The following OTOGL variants were observed in gnomAD, a reference collection of about 807,000 sequenced individuals.
OTOGL encodes otogelin like.
OTOGL carries 285 observed loss-of-function variants against 318.5 expected under a neutral mutation model. The observed-to-expected ratio is 0.89, with a 90% CI of 0.81 to 0.99. The LOEUF (loss-of-function observed/expected upper bound fraction) is 0.99. OTOGL is among the 50% of genes least tolerant of loss of function. OTOGL has a pLI of 0.00. For synonymous variants in OTOGL, 987 were observed against 936.5 expected, an observed-to-expected ratio of 1.05 and a Z score of -0.99; for missense variants, 2,899 against 2,845.6, an observed-to-expected ratio of 1.02 and a Z score of -0.43.
chr12:80,212,061 G>A, intron 4 of OTOGL, 64 bp downstream of exon 4: 2 of 1,436,794 alleles, frequency 1.4e-6, no homozygotes, highest in Non-Finnish European at 1.9e-6. Flanking sequence ...GGACTCTGCT[G>A]TCACTTCAAC....
chr12:80,315,122 T>C (rs1418690153), intron 32 of OTOGL, among the ~76,000 whole-genome samples: 2 of 152,136 alleles, frequency 1.3e-5, no homozygotes, highest in Non-Finnish European at 2.9e-5. Context: ...GGGCACAAAG[T>C]TTCAGCTAGG....
rs192454919 is a variant in OTOGL, at chr12:80,114,347, G to C, written c.-20+14742G>C. Among the ~76,000 whole-genome samples, 35 of 152,132 alleles carry C rather than the reference G, an allele frequency of 2.3e-4. No homozygotes were observed. In the East Asian group the frequency reaches 2.9e-3, roughly 13 times the overall value. On this transcript the variant is annotated intron_variant, in intron 1 of 58. Transcript: ENST00000547103. ...CCTCAGCATTTGCTTGTCTGTAAAG[G>C]ATTTTATTTCTTCTTCTCTTATGAA...
In OTOGL at chr12:80,105,494, C is replaced by T. The variant is rs185588712; in HGVS notation, c.-20+5889C>T. 6.6e-3 allele frequency among the ~76,000 whole-genome samples: 1,006 copies of T among 152,254 alleles called. 14 individuals carry two copies. Among genetic ancestry groups the T allele is most frequent in the African/African-American group, 0.021 (892 of 41,540 alleles). On this transcript the variant is annotated intron_variant, in intron 1 of 58. Coordinates refer to ENST00000547103, the MANE Select transcript of OTOGL (RefSeq NM_001378609.3). Reference sequence around the variant, plus strand: ...GAAGATGTTATTTCAGGATAACCTGCAGATTTTTATCTTTGTACCATATAT... The same window carrying T: ...GAAGATGTTATTTCAGGATAACCTGTAGATTTTTATCTTTGTACCATATAT...
At chr12:80,177,143 GA>G (rs1874581574) in intron 1 of OTOGL, among the ~76,000 whole-genome samples, 1 of 151,938 alleles carries the variant, frequency 6.6e-6, no homozygotes, top group Admixed American at 6.6e-5. Flanking sequence ...ATTAAAATTT[GA>G]TGAAATAAAA....
At chr12:80,242,426 A>G (rs1019999670) in intron 11 of OTOGL, among the ~76,000 whole-genome samples, 2 of 152,132 alleles carry the variant, frequency 1.3e-5, no homozygotes, top group Non-Finnish European at 2.9e-5. Context: ...ACGTTGATAA[A>G]ATGGAAGTGA....
chr12:80,380,142 A>G lies in OTOGL; in HGVS notation c.*2094A>G, dbSNP rs1891380267. 6.6e-6 allele frequency: 1 copy of G among 152,066 alleles called. No individual in the cohort carries two copies. Among genetic ancestry groups the G allele is most frequent in the Admixed American group, 6.6e-5 (1 of 15,250 alleles). The allele number at this position is 152,066 out of a possible 1,614,324, so 9.4% of individuals were successfully genotyped here. On this transcript the variant is annotated 3_prime_UTR_variant, in exon 59 of 59. Coordinates refer to ENST00000547103, the MANE Select transcript of OTOGL (RefSeq NM_001378609.3). ...CATTAGGATAACCTCCAAATGAATCAGAGATTTAAATGTTAAAAAACAAAA... is the reference window on the plus strand; with the variant it reads ...CATTAGGATAACCTCCAAATGAATCGGAGATTTAAATGTTAAAAAACAAAA...
At chr12:80,114,936 A>G (rs910639782) in intron 1 of OTOGL, among the ~76,000 whole-genome samples, 54 of 151,534 alleles carry the variant, frequency 3.6e-4, no homozygotes, top group African/African-American at 1.3e-3. Context: ...TACTTCATGA[A>G]GTTCTTGTGC....
rs1328798677 is a variant in OTOGL at position 80,323,736 on chromosome 12, A to C, written c.4095A>C (p.Ala1365=). 2.5e-6 allele frequency: 4 copies of C among 1,613,436 alleles called. No homozygotes were observed. The highest frequency in any genetic ancestry group is 3.4e-6 in the Non-Finnish European group (4 of 1,179,360). Reference sequence around the variant, plus strand: ...ATTTTTTCCCAGAAATCCAGGCAGCAGTGCCTTACAGGAAGATGTGTGAAT... The same window carrying C: ...ATTTTTTCCCAGAAATCCAGGCAGCCGTGCCTTACAGGAAGATGTGTGAAT... ...SSFSIEEIQA[A]VPYRKMCEWR... The change falls in exon 35 of 59, where the codon GCA becomes GCC. Residue 1365 remains alanine, a synonymous_variant. Transcript: ENST00000547103.
intron 11 of OTOGL, among the ~76,000 whole-genome samples, chr12:80,250,031 G>A (rs937663953): frequency 6.6e-6 from 1 of 151,874 alleles, no homozygotes; most frequent in Non-Finnish European, 1.5e-5. Flanking sequence ...GCTCGCGCAC[G>A]GTGCGCGCAC....
chr12:80,362,458 T>C lies in OTOGL; in HGVS notation c.6267+3558T>C, dbSNP rs140613766. On this transcript the variant is annotated intron_variant, in intron 52 of 58. Transcript: ENST00000547103. ...TTTTTGCTCAAGATTGCTTTGGCTA[T>C]TTGGTGTCTTTTGTGGTTTTAAGCA... Among the ~76,000 whole-genome samples the C allele has an allele frequency of 3.4e-3, 513 of 152,270 alleles. 1 individual carries two copies. The highest frequency in any genetic ancestry group is 0.012 in the African/African-American group (481 of 41,576).
intron 1 of OTOGL, among the ~76,000 whole-genome samples, chr12:80,192,659 A>G (rs1183996468): frequency 6.6e-6 from 1 of 152,250 alleles, no homozygotes; most frequent in African/African-American, 2.4e-5. Context: ...CTCTCTTAAC[A>G]GGCAAGTCTT....
chr12:80,299,624 AC>A (rs1444397906), intron 27 of OTOGL, among the ~76,000 whole-genome samples: 191 of 151,270 alleles, frequency 1.3e-3, no homozygotes, highest in Middle Eastern at 3.4e-3. Flanking sequence ...AAAAAAAAAA[AC>A]CACCTCTGTT....
intron 55 of OTOGL, among the ~76,000 whole-genome samples, chr12:80,368,984 C>T (rs1333565347): frequency 6.6e-6 from 1 of 151,394 alleles, no homozygotes; most frequent in Admixed American, 6.6e-5. Flanking sequence ...CAAAAATACA[C>T]TTGATATGGT....
intron 16 of OTOGL, among the ~76,000 whole-genome samples, chr12:80,255,497 T>G (rs1199676893): frequency 6.6e-6 from 1 of 152,032 alleles, no homozygotes; most frequent in Non-Finnish European, 1.5e-5. Context: ...TATAGTTTTT[T>G]GTACATATAG....
intron 26 of OTOGL, among the ~76,000 whole-genome samples, chr12:80,285,834 G>A (rs1340218645): frequency 1.3e-5 from 2 of 151,834 alleles, no homozygotes; most frequent in African/African-American, 2.4e-5. Context: ...ACAATTTGAT[G>A]TTCTCTCTTC....
Position 80,342,119 on chromosome 12 carries a change from T to C in OTOGL, c.5222T>C (p.Ile1741Thr), listed in dbSNP as rs1030322134. The C allele has an allele frequency of 2.5e-6, 4 of 1,598,476 alleles. No individual in the cohort carries two copies. The highest frequency in any genetic ancestry group is 1.6e-4 in the Middle Eastern group (1 of 6,068). ...NCTEHDCSQC[I>T]DLLNRRIFIP... ...ACTGAGCATGATTGCAGCCAGTGCA[T>C]TGATTTATTAAATAGAAGAATTTTC... is the stretch of plus-strand genomic sequence containing the variant. Residue 1741 changes from isoleucine to threonine, a missense_variant, in exon 44 of 59, where the codon ATT becomes ACT. Around this residue, in one of 3 missense-constraint regions of OTOGL, gnomAD observed 2,607 missense variants for 2,524.9 expected, o/e 1.03. Transcript: ENST00000547103.
At chr12:80,351,695 A>C (rs903890425) in intron 44 of OTOGL, among the ~76,000 whole-genome samples, 31 of 152,200 alleles carry the variant, frequency 2.0e-4, no homozygotes, top group Admixed American at 6.5e-5. Flanking sequence ...GATACTTAGT[A>C]TGAGCCTGTT....
intron 1 of OTOGL, chr12:80,103,245 A>C: frequency 6.7e-7 from 1 of 1,485,318 alleles, no homozygotes; most frequent in Non-Finnish European, 9.4e-7. Flanking sequence ...AAGGGAAGAC[A>C]TAATCTTCCT....
chr12:80,104,453 T>C (rs1368943716), intron 1 of OTOGL, among the ~76,000 whole-genome samples: 7 of 152,216 alleles, frequency 4.6e-5, no homozygotes, highest in Admixed American at 4.6e-4. Flanking sequence ...TTCTTTCCTG[T>C]GTATGGTAGC....
Sources: gnomAD v4.1 joint callset for allele counts (sites outside exome capture counted in the v4.1 genomes callset) on GRCh38, gnomAD v4.1.1 for gene constraint, gnomAD v4.1.1 regional missense constraint, MANE v1.5 for transcripts, NCBI Gene and HGNC (gene_info 2026-07-23, HGNC 2026-07-21) for gene names.